The following JAKMIP3 variants were observed in gnomAD, a reference collection of about 807,000 sequenced individuals.
The protein encoded by JAKMIP3 is janus kinase and microtubule-interacting protein 3.
In JAKMIP3, 58 loss-of-function variants were observed where a neutral mutation model predicts 118.5. That is an observed-to-expected ratio of 0.49 (90% CI 0.40 to 0.61). The LOEUF is 0.61. JAKMIP3 is among the 20% of genes least tolerant of loss of function. JAKMIP3 has a pLI of 0.00. For missense variants in JAKMIP3, 950 were observed against 1,109.0 expected, an observed-to-expected ratio of 0.86 and a Z score of 2.04; for synonymous variants, 486 against 451.2, an observed-to-expected ratio of 1.08 and a Z score of -0.98.
intron 1 of JAKMIP3, among the ~76,000 whole-genome samples, chr10:132,071,347 A>G (rs1268543778): frequency 6.6e-6 from 1 of 152,076 alleles, no homozygotes; most frequent in Non-Finnish European, 1.5e-5. Flanking sequence ...ATTTTGATGA[A>G]TGTTTTATGT....
At chr10:132,103,142 A>G (rs2045261477) in intron 1 of JAKMIP3, among the ~76,000 whole-genome samples, 1 of 152,070 alleles carries the variant, frequency 6.6e-6, no homozygotes, top group Non-Finnish European at 1.5e-5. Context: ...AACAGGTGAC[A>G]GGAGCAGAAG....
intron 3 of JAKMIP3, among the ~76,000 whole-genome samples, chr10:132,125,036 A>C (rs1589873350): frequency 6.6e-6 from 1 of 152,174 alleles, no homozygotes; most frequent in East Asian, 1.9e-4. Flanking sequence ...TGGCTGACCC[A>C]GTTGTCTTCC....
intron 5 of JAKMIP3, 147 bp from the exon 6 acceptor site, chr10:132,135,783 G>C (rs1373113392): frequency 2.4e-6 from 2 of 835,830 alleles, no homozygotes; most frequent in Non-Finnish European, 3.7e-6. Flanking sequence ...GGGCCAGTGG[G>C]CACCACTTGG....
At chr10:132,056,585 C>T (rs922728058) in intron 1 of JAKMIP3, among the ~76,000 whole-genome samples, 5 of 152,178 alleles carry the variant, frequency 3.3e-5, no homozygotes, top group South Asian at 2.1e-4. Flanking sequence ...TCTGCCACCA[C>T]GAGGGCCATC....
At chr10:132,145,380 AT>A in intron 12 of JAKMIP3, 137 bp from the exon 13 acceptor site, 2 of 966,174 alleles carry the variant, frequency 2.1e-6, no homozygotes, top group Admixed American at 4.7e-5. Context: ...CGCCCGGCTA[AT>A]TTTTGTATTT....
intron 21 of JAKMIP3, 83 bp from the exon 22 acceptor site, chr10:132,166,900 C>A: frequency 1.1e-6 from 1 of 941,072 alleles, no homozygotes; most frequent in Non-Finnish European, 1.7e-6. Context: ...TCTGTAATCG[C>A]GTGTATTTCT....
At chr10:132,121,873 G>A (rs994163375) in intron 3 of JAKMIP3, among the ~76,000 whole-genome samples, 19 of 152,280 alleles carry the variant, frequency 1.2e-4, no homozygotes, top group Middle Eastern at 3.4e-3. Context: ...GGACAGTCGC[G>A]TCTGGCAGGG....
intron 2 of JAKMIP3, among the ~76,000 whole-genome samples, chr10:132,116,034 T>C (rs1030525142): frequency 6.6e-6 from 1 of 152,234 alleles, no homozygotes; most frequent in Non-Finnish European, 1.5e-5. Flanking sequence ...GGTCTGAATA[T>C]AGGACCCCCA....
chr10:132,165,323 G>A (rs2058784561), intron 21 of JAKMIP3, among the ~76,000 whole-genome samples: 1 of 152,170 alleles, frequency 6.6e-6, no homozygotes, highest in Admixed American at 6.5e-5. Context: ...GCACAGCAGA[G>A]TCTCTCCCGG....
rs971059715 is a variant in JAKMIP3 at position 132,117,795 on chromosome 10, A to G, written c.633+221A>G. 1.3e-5 allele frequency among the ~76,000 whole-genome samples: 2 copies of G among 152,172 alleles called. No individual in the cohort carries two copies. The highest frequency in any genetic ancestry group is 1.9e-4 in the East Asian group (1 of 5,190). The stretch of plus-strand genomic sequence containing the variant: ...AGACCACTAGAAAAGGTTCAGACCC[A>G]CAGTCAGGCCCGCACGGGGCAGGCC... On this transcript the variant is annotated intron_variant, in intron 3 of 23. Coordinates refer to ENST00000684848, the MANE Select transcript of JAKMIP3 (RefSeq NM_001323087.2). The surrounding 1 kb of genome is among the most constrained non-coding windows in gnomAD (Gnocchi z 8.6).
chr10:132,089,639 C>T lies in JAKMIP3; in HGVS notation c.-137-15033C>T, dbSNP rs554799338. On this transcript the variant is annotated intron_variant, in intron 1 of 23. Transcript: ENST00000684848. ...ACAGTGGGGTTTTCTAAATATACAA[C>T]GATGTCATCTGCAAACAGGGACAAT... Among the ~76,000 whole-genome samples, 242 of 152,184 alleles carry T rather than the reference C, an allele frequency of 1.6e-3. 1 individual carries two copies. The highest frequency in any genetic ancestry group is 5.5e-3 in the African/African-American group (230 of 41,532).
At chr10:132,120,452 C>G (rs1262348748) in intron 3 of JAKMIP3, among the ~76,000 whole-genome samples, 1 of 152,254 alleles carries the variant, frequency 6.6e-6, no homozygotes, top group East Asian at 1.9e-4. Context: ...CACAGCTGCC[C>G]AGGCCTCATC....
Position 132,180,649 on chromosome 10 carries a change from G to A in JAKMIP3, c.*1104-1708G>A, listed in dbSNP as rs1435896824. Among the ~76,000 whole-genome samples, 5 of 37,602 alleles carry A rather than the reference G, an allele frequency of 1.3e-4. 1 individual carries two copies. Among genetic ancestry groups the A allele is most frequent in the Non-Finnish European group, 2.0e-4 (4 of 20,000 alleles). The allele number at this position is 37,602 out of a possible 152,430, so 24.7% of individuals were successfully genotyped here. Reference sequence around the variant, plus strand: ...TGCGTGTGTGCGTGCGTGTGTGCGTGTGCGTGTGCGTGTGTGCGTGTGTGT... The same window carrying A: ...TGCGTGTGTGCGTGCGTGTGTGCGTATGCGTGTGCGTGTGTGCGTGTGTGT... On this transcript the variant is annotated intron_variant, in intron 23 of 23. Transcript: ENST00000684848.
chr10:132,089,639 C>G (rs554799338), intron 1 of JAKMIP3, among the ~76,000 whole-genome samples: 1 of 152,066 alleles, frequency 6.6e-6, no homozygotes, highest in Admixed American at 6.6e-5. Context: ...AAATATACAA[C>G]GATGTCATCT....
In JAKMIP3 at chr10:132,036,824, T is replaced by A. The variant is rs370228539; in HGVS notation, c.-138+86T>A. ...CGGTGCGTCCGGGACGCGGGCGCCC[T>A]GGCGGCCGTGGGGCGGGCGGGGGGC... On this transcript the variant is annotated intron_variant, in intron 1 of 23. Coordinates refer to the JAKMIP3 transcript ENST00000657785. Among the ~76,000 whole-genome samples, 121 of 151,344 alleles carry A rather than the reference T, an allele frequency of 8.0e-4. 2 individuals are homozygous for A. In the East Asian group the frequency reaches 0.021, roughly 26 times the overall value.
intron 16 of JAKMIP3, among the ~76,000 whole-genome samples, chr10:132,152,275 A>C (rs2056352601): frequency 6.6e-6 from 1 of 152,160 alleles, no homozygotes; most frequent in Non-Finnish European, 1.5e-5. Context: ...CTCTAGGGAG[A>C]GAATGGCATG....
At chr10:132,104,992 C>T (rs2045686356) in intron 2 of JAKMIP3, 49 bp downstream of exon 2, 4 of 1,549,888 alleles carry the variant, frequency 2.6e-6, no homozygotes, top group Non-Finnish European at 3.5e-6. Context: ...CCTCCTGCCT[C>T]CCCTGGGGCC....
intron 1 of JAKMIP3, among the ~76,000 whole-genome samples, chr10:132,101,687 G>C (rs1347953829): frequency 6.6e-6 from 1 of 152,026 alleles, no homozygotes; most frequent in South Asian, 2.1e-4. Flanking sequence ...GTGGTGGCCC[G>C]GGGCTCGGTC....
intron 20 of JAKMIP3, among the ~76,000 whole-genome samples, 187 bp from the exon 21 acceptor site, chr10:132,164,483 G>A (rs1008683282): frequency 6.6e-6 from 1 of 152,222 alleles, no homozygotes; most frequent in African/African-American, 2.4e-5. Flanking sequence ...GTGGCATGGC[G>A]AAGACCCTCC....
Sources: gnomAD v4.1 joint callset for allele counts (sites outside exome capture counted in the v4.1 genomes callset) on GRCh38, gnomAD v4.1.1 for gene constraint, Gnocchi (gnomAD v3.1) non-coding constraint, MANE v1.5 for transcripts, NCBI Gene and HGNC (gene_info 2026-07-23, HGNC 2026-07-21) for gene names.